OR4K14: variants seen among roughly 807,000 people sequenced by gnomAD.
The protein encoded by OR4K14 is olfactory receptor family 4 subfamily K member 14, also known as olfactory receptor 4K14.
For missense variants in OR4K14, 406 were observed against 373.6 expected, an observed-to-expected ratio of 1.09 and a Z score of -0.72; for synonymous variants, 153 against 141.5, an observed-to-expected ratio of 1.08 and a Z score of -0.58.
Position 20,014,401 on chromosome 14 carries a change from T to A in OR4K14, c.793A>T (p.Arg265Trp), listed in dbSNP as rs1877041979. The change falls in exon 2 of 2, where the codon AGG (arginine) becomes TGG (tryptophan). Residue 265 changes from arginine (R) to tryptophan (W), a missense_variant. By Grantham distance (101) the Arg-to-Trp change is moderately radical. Coordinates refer to ENST00000641793, the MANE Select transcript of OR4K14 (RefSeq NM_001004712.2). ...CIFVYVRPFS[R>W]FSVDKLLSVF... ...GACAGCAGCTTGTCCACAGAGAACCTACTGAAAGGCCGCACATAAACAAAA... is the reference window on the plus strand; with the variant it reads ...GACAGCAGCTTGTCCACAGAGAACCAACTGAAAGGCCGCACATAAACAAAA... 6.2e-7 allele frequency: 1 copy of A among 1,613,858 alleles called. No homozygotes were observed. The highest frequency in any genetic ancestry group is 1.1e-5 in the South Asian group (1 of 91,060).
rs764079774 is a variant in OR4K14, at chr14:20,015,209, A to G, written c.-16T>C. The G allele has an allele frequency of 5.9e-6, 9 of 1,530,942 alleles. No homozygotes were observed. Among genetic ancestry groups the G allele is most frequent in the Middle Eastern group, 1.7e-4 (1 of 5,756 alleles). The allele number at this position is 1,530,942 out of a possible 1,614,324, so 94.8% of individuals were successfully genotyped here. ...GTGGGTCCATTGCCTCAGGTTTCAG[A>G]CTTTGTTTGTAATCTAAATAAAGAA... On this transcript the variant is annotated 5_prime_UTR_variant, in exon 2 of 2. Transcript: ENST00000641793.
At position 20,014,780 on chromosome 14, in the gene OR4K14, A is replaced by G. The variant is rs1173463461; in HGVS notation, c.414T>C (p.Ser138=). The change falls in exon 2 of 2, where the codon AGT becomes AGC. Residue 138 remains serine, a synonymous_variant. Transcript: ENST00000641793. ...GCACCAGCCTGATGCAAGTCTGCCA[A>G]CTCATCAAAGTCATGTAATGCAAGG... ...CKPLHYMTLM[S]WQTCIRLVLA... is the part of the protein sequence containing the mutation. 1.2e-5 allele frequency: 20 copies of G among 1,614,060 alleles called. No homozygotes were observed. Among genetic ancestry groups the G allele is most frequent in the Non-Finnish European group, 1.7e-5 (20 of 1,179,986 alleles).
chr14:20,018,374 C>G (rs1877140992), intron 1 of OR4K14, among the ~76,000 whole-genome samples: 1 of 151,910 alleles, frequency 6.6e-6, no homozygotes, highest in African/African-American at 2.4e-5. Context: ...TTAGATGCTA[C>G]CCATCTTTAG....
chr14:20,019,115 A>G (rs966602653), intron 1 of OR4K14, 28 bp downstream of exon 1: 12 of 152,080 alleles, frequency 7.9e-5, no homozygotes, highest in Admixed American at 5.9e-4. Flanking sequence ...ATGCATGTTC[A>G]TATTTATTAC....
Position 20,015,138 on chromosome 14 carries a change from G to T in OR4K14, c.56C>A (p.Thr19Asn). The T allele has an allele frequency of 6.2e-7, 1 of 1,613,866 alleles. No homozygotes were observed. Among genetic ancestry groups the T allele is most frequent in the South Asian group, 1.1e-5 (1 of 91,014 alleles). ...VSEFVLHGLC[T>N]SRHLQNFFFI... ...GAAAAAATTTTGAAGATGTCGTGAAGTGCAGAGTCCATGCAACACAAATTC... is the reference window on the plus strand; with the variant it reads ...GAAAAAATTTTGAAGATGTCGTGAATTGCAGAGTCCATGCAACACAAATTC... Residue 19 changes from threonine to asparagine, a missense_variant, in exon 2 of 2, where the codon ACT (threonine) becomes AAT (asparagine). Thr to Asn is a moderately conservative substitution (Grantham distance 65). Transcript: ENST00000641793.
chr14:20,015,071 A>G lies in OR4K14; in HGVS notation c.123T>C (p.Gly41=). The change falls in exon 2 of 2, where the codon GGT becomes GGC. Residue 41 remains glycine, a synonymous_variant. Coordinates refer to ENST00000641793, the MANE Select transcript of OR4K14 (RefSeq NM_001004712.2). ...FFGVYVAIML[G]NLLILVTVIS... ...TTACAGTGACCAAAATGAGAAGGTT[A>G]CCCAGCATAATGGCCACATAGACCC... 1 of 1,614,006 alleles carries G rather than the reference A, an allele frequency of 6.2e-7. No individual in the cohort carries two copies. Among genetic ancestry groups the G allele is most frequent in the Non-Finnish European group, 8.5e-7 (1 of 1,179,906 alleles).
rs1877040144 is a variant in OR4K14, at chr14:20,014,348, G to T, written c.846C>A (p.Leu282=). The T allele has an allele frequency of 6.2e-7, 1 of 1,611,320 alleles. No homozygotes were observed. The highest frequency in any genetic ancestry group is 1.1e-5 in the South Asian group (1 of 90,586). Residue 282 remains leucine (L), a synonymous_variant, in exon 2 of 2, where the codon CTC becomes CTA. Transcript: ENST00000641793. ...TCAATGTGTAGATAATGGGGTTCAG[G>T]AGTGGAGTAAAAATGGTATAAAACA... ...LSVFYTIFTP[L]LNPIIYTLRN...
chr14:20,015,062 GAGA>G lies in OR4K14; in HGVS notation c.129_131del (p.Leu44del). The stretch of plus-strand genomic sequence containing the variant: ...GATCAGAAATTACAGTGACCAAAAT[GAGA>G]AGGTTACCCAGCATAATGGCCACAT... On this transcript the variant is annotated inframe_deletion, in exon 2 of 2. Transcript: ENST00000641793. The G allele has an allele frequency of 6.2e-7, 1 of 1,613,982 alleles. No individual in the cohort carries two copies. Among genetic ancestry groups the G allele is most frequent in the Non-Finnish European group, 8.5e-7 (1 of 1,179,922 alleles).
intron 1 of OR4K14, among the ~76,000 whole-genome samples, chr14:20,016,513 A>G (rs909446059): frequency 6.6e-6 from 1 of 152,114 alleles, no homozygotes; most frequent in African/African-American, 2.4e-5. Flanking sequence ...CTCAGATAAT[A>G]TCTCTGAGGA....
intron 1 of OR4K14, 46 bp from the exon 2 acceptor site, chr14:20,015,268 A>T: frequency 1.2e-6 from 1 of 853,296 alleles, no homozygotes; most frequent in Non-Finnish European, 1.8e-6. Flanking sequence ...CACCTCAAGG[A>T]CATTGTATTA....
chr14:20,018,640 C>A (rs899857338), intron 1 of OR4K14, among the ~76,000 whole-genome samples: 7 of 151,888 alleles, frequency 4.6e-5, no homozygotes, highest in African/African-American at 1.7e-4. Context: ...TTGAAATAAT[C>A]AGATGGAAAA....
At chr14:20,015,273 G>A in intron 1 of OR4K14, 51 bp from the exon 2 acceptor site, 1 of 819,200 alleles carries the variant, frequency 1.2e-6, no homozygotes. Context: ...CAAGGACATT[G>A]TATTAAGTGA....
intron 1 of OR4K14, among the ~76,000 whole-genome samples, chr14:20,016,942 A>AC (rs1470495673): frequency 1.5e-4 from 23 of 152,128 alleles, no homozygotes; most frequent in African/African-American, 5.3e-4. Flanking sequence ...AATGTGTTGT[A>AC]ATGCTTTTGA....
In OR4K14 at chr14:20,014,376, G is replaced by T. The variant is rs1877040858; in HGVS notation, c.818C>A (p.Ser273Tyr). 1.9e-6 allele frequency: 3 copies of T among 1,613,824 alleles called. No homozygotes were observed. The East Asian group carries it at 6.7e-5, about 36-fold the overall frequency. ...FSRFSVDKLL[S>Y]VFYTIFTPLL... ...TGGAGTAAAAATGGTATAAAACACA[G>T]ACAGCAGCTTGTCCACAGAGAACCT... is the stretch of plus-strand genomic sequence containing the variant. The change falls in exon 2 of 2, where the codon TCT becomes TAT. Residue 273 changes from serine (S) to tyrosine (Y), a missense_variant. Ser to Tyr is a moderately radical substitution (Grantham distance 144). Coordinates refer to ENST00000641793, the MANE Select transcript of OR4K14 (RefSeq NM_001004712.2).
Position 20,014,921 on chromosome 14 carries a change from T to A in OR4K14, c.273A>T (p.Lys91Asn). ...KMIRDFLSDQ[K>N]LISFGGCMAQ... ...CCATACATCCTCCAAAGGAGATGAG[T>A]TTTTGATCACTAAGGAAATCCCTGA... Residue 91 changes from lysine to asparagine, a missense_variant, in exon 2 of 2, where the codon AAA becomes AAT. Coordinates refer to ENST00000641793, the MANE Select transcript of OR4K14 (RefSeq NM_001004712.2). 1 of 1,613,978 alleles carries A rather than the reference T, an allele frequency of 6.2e-7. No individual in the cohort carries two copies. Among genetic ancestry groups the A allele is most frequent in the Non-Finnish European group, 8.5e-7 (1 of 1,179,978 alleles).
At chr14:20,016,798 G>T (rs1349040367) in intron 1 of OR4K14, among the ~76,000 whole-genome samples, 1 of 152,098 alleles carries the variant, frequency 6.6e-6, no homozygotes, top group Non-Finnish European at 1.5e-5. Context: ...AGAGAGAAGA[G>T]TGTAGACTGA....
intron 1 of OR4K14, among the ~76,000 whole-genome samples, chr14:20,016,449 A>C (rs1257999141): frequency 2.0e-5 from 3 of 152,082 alleles, no homozygotes; most frequent in African/African-American, 7.2e-5. Flanking sequence ...GTAATTTTAT[A>C]AAAGTCTCAT....
At position 20,014,639 on chromosome 14, in the gene OR4K14, C is replaced by CA; in HGVS notation, c.554dup (p.Ile186AspfsTer48). 1 of 1,614,086 alleles carries CA rather than the reference C, an allele frequency of 6.2e-7. No individual in the cohort carries two copies. Among genetic ancestry groups the CA allele is most frequent in the Non-Finnish European group, 8.5e-7 (1 of 1,179,990 alleles). ...AGGTGTCCATGCAGGCAAGTTTGAT[C>CA]ACCAGAGGGAGGTCACAGAAGAAGC... On this transcript the variant is annotated frameshift_variant, in exon 2 of 2. Transcript: ENST00000641793. LOFTEE classifies it low-confidence loss of function (END_TRUNC).
Position 20,014,863 on chromosome 14 carries a change from C to T in OR4K14, c.331G>A (p.Ala111Thr). The change falls in exon 2 of 2, where the codon GCT (alanine) becomes ACT (threonine). Residue 111 changes from alanine (A) to threonine (T), a missense_variant. Physicochemically the swap from Ala to Thr is moderately conservative, Grantham distance 58 (BLOSUM62 0). Transcript: ENST00000641793. ...ATGGAAACCAGGAGCACCATCTCAG[C>T]CCCACCAGTAAAGTGCAAGAAGAAG... Reference protein sequence around the residue: ...QIFFLHFTGGAEMVLLVSMAY... With the variant: ...QIFFLHFTGGTEMVLLVSMAY... 1 of 1,614,088 alleles carries T rather than the reference C, an allele frequency of 6.2e-7. No homozygotes were observed. The highest frequency in any genetic ancestry group is 8.5e-7 in the Non-Finnish European group (1 of 1,180,000).
Sources: gnomAD v4.1 joint callset for allele counts (sites outside exome capture counted in the v4.1 genomes callset) on GRCh38, gnomAD v4.1.1 for gene constraint, MANE v1.5 for transcripts, NCBI Gene and HGNC (gene_info 2026-07-23, HGNC 2026-07-21) for gene names.